The following SULT2B1 variants were observed in gnomAD, a reference collection of about 807,000 sequenced individuals.
SULT2B1 encodes sulfotransferase 2B1.
Under a neutral mutation model 33.2 loss-of-function variants are expected in SULT2B1, and 16 were observed. The observed-to-expected ratio is 0.48, with a 90% CI of 0.33 to 0.73. The LOEUF (loss-of-function observed/expected upper bound fraction) is 0.73, where lower values mean the gene tolerates loss of function less well. SULT2B1 is among the 30% of genes least tolerant of loss of function. The probability of loss-of-function intolerance (pLI) is 0.02; values close to 1 mark genes in which losing one functional copy is unlikely to be tolerated. For synonymous variants in SULT2B1, 186 were observed against 200.5 expected, an observed-to-expected ratio of 0.93 and a Z score of 0.61; for missense variants, 500 against 506.0, an observed-to-expected ratio of 0.99 and a Z score of 0.11.
chr19:48,594,804 A>G (rs2147629092), intron 5 of SULT2B1, among the ~76,000 whole-genome samples: 1 of 152,270 alleles, frequency 6.6e-6, no homozygotes, highest in South Asian at 2.1e-4. Flanking sequence ...AGATCACTTG[A>G]GGTCAGGAGT....
At chr19:48,594,066 C>T (rs1389849787) in intron 5 of SULT2B1, among the ~76,000 whole-genome samples, 1 of 151,684 alleles carries the variant, frequency 6.6e-6, no homozygotes, top group Non-Finnish European at 1.5e-5. Context: ...CCAGACCAGC[C>T]TTGCCAACAT....
At chr19:48,579,605 C>CTTTCTTTCTTTTTTTTTTTTTTTTTTT (rs71179013) in intron 2 of SULT2B1, among the ~76,000 whole-genome samples, 1 of 79,736 alleles carries the variant, frequency 1.3e-5, no homozygotes, top group South Asian at 5.2e-4. Context: ...TTCTTTCTTT[C>CTTTCTTTCTTTTTTTTTTTTTTTTTTT]TTTTTTTTTT....
At chr19:48,568,647 T>G (rs1973275520) in intron 1 of SULT2B1, among the ~76,000 whole-genome samples, 1 of 152,178 alleles carries the variant, frequency 6.6e-6, no homozygotes, top group African/African-American at 2.4e-5. Flanking sequence ...GGGACACTGC[T>G]TGGCGCGTCC....
At chr19:48,571,260 G>T (rs1973323717) in intron 1 of SULT2B1, among the ~76,000 whole-genome samples, 1 of 151,466 alleles carries the variant, frequency 6.6e-6, no homozygotes, top group Non-Finnish European at 1.5e-5. Flanking sequence ...GCAGTGATGT[G>T]ATCTCAGGAC....
At position 48,552,371 on chromosome 19, in the gene SULT2B1, G is replaced by A; in HGVS notation, c.71+48G>A. ...AGCCAGGAGATCCCAGGGAGGAGGT[G>A]GCTGTTTGGGGGAGCCGGGGACTGT... On this transcript the variant is annotated intron_variant, in intron 1 of 6. Transcript: ENST00000201586. The surrounding 1 kb of genome is among the most constrained non-coding windows in gnomAD (Gnocchi z 4.8). The A allele has an allele frequency of 6.3e-7, 1 of 1,598,980 alleles. No individual in the cohort carries two copies. Among genetic ancestry groups the A allele is most frequent in the Middle Eastern group, 1.7e-4 (1 of 5,968 alleles).
chr19:48,588,776 A>G (rs1420278638), intron 3 of SULT2B1, among the ~76,000 whole-genome samples: 1 of 151,722 alleles, frequency 6.6e-6, no homozygotes, highest in East Asian at 1.9e-4. Flanking sequence ...TGATGGTGGG[A>G]GCCACAGAGG....
chr19:48,578,304 G>C (rs891637282), intron 2 of SULT2B1, among the ~76,000 whole-genome samples: 1 of 151,790 alleles, frequency 6.6e-6, no homozygotes, highest in Non-Finnish European at 1.5e-5. Flanking sequence ...ATTTTCAGCC[G>C]AGCACAGTGG....
chr19:48,582,989 C>CAAAA (rs59742141), intron 2 of SULT2B1, among the ~76,000 whole-genome samples: 1,489 of 121,730 alleles, frequency 0.012, 30 homozygotes, highest in African/African-American at 0.042. Context: ...CCTATCTCTA[C>CAAAA]AAAAAAAAAA....
chr19:48,561,087 C>G lies in SULT2B1; in HGVS notation c.71+8764C>G, dbSNP rs139253101. On this transcript the variant is annotated intron_variant, in intron 1 of 6. Transcript: ENST00000201586. ...ACGGAGGTTGCTGTGGGGCTGAGAT[C>G]GCACCACTGCACTCCAGCCTGGGAG... 1.1e-4 allele frequency among the ~76,000 whole-genome samples: 17 copies of G among 151,810 alleles called. 2 individuals carry two copies. The South Asian group carries it at 2.9e-3, about 26-fold the overall frequency.
intron 5 of SULT2B1, among the ~76,000 whole-genome samples, chr19:48,593,530 C>T (rs143984325): frequency 5.9e-5 from 9 of 151,840 alleles, no homozygotes; most frequent in African/African-American, 9.7e-5. Flanking sequence ...CCAGCCTGGG[C>T]GACAGAGCAA....
At chr19:48,583,264 T>C (rs1973518290) in intron 2 of SULT2B1, among the ~76,000 whole-genome samples, 1 of 152,130 alleles carries the variant, frequency 6.6e-6, no homozygotes, top group Non-Finnish European at 1.5e-5. Flanking sequence ...ACAGCTGCTA[T>C]GGAAAACAGT....
chr19:48,577,382 T>TTTTTTTTG (rs1163610936), intron 2 of SULT2B1, among the ~76,000 whole-genome samples: 4 of 132,530 alleles, frequency 3.0e-5, no homozygotes, highest in Non-Finnish European at 4.7e-5. Context: ...TTTTTTTTTT[T>TTTTTTTTG]AGAGACAGAG....
chr19:48,587,709 TAGTC>T (rs1358039259), intron 3 of SULT2B1, among the ~76,000 whole-genome samples: 3 of 150,800 alleles, frequency 2.0e-5, no homozygotes, highest in Non-Finnish European at 4.4e-5. Flanking sequence ...TTGGGCAACA[TAGTC>T]AGACCACATC....
intron 3 of SULT2B1, among the ~76,000 whole-genome samples, chr19:48,589,094 C>CGA (rs1973607751): frequency 6.6e-6 from 1 of 152,104 alleles, no homozygotes; most frequent in Non-Finnish European, 1.5e-5. Context: ...GACCGACTGT[C>CGA]GAGAGAGCAG....
intron 1 of SULT2B1, among the ~76,000 whole-genome samples, chr19:48,571,211 A>ATTTAT (rs36014830): frequency 4.4e-4 from 63 of 144,340 alleles, no homozygotes; most frequent in African/African-American, 1.2e-3. Context: ...TTATTTATTT[A>ATTTAT]TTTTGAGATG....
chr19:48,578,163 C>T (rs901793064), intron 2 of SULT2B1, among the ~76,000 whole-genome samples: 1 of 151,924 alleles, frequency 6.6e-6, no homozygotes, highest in African/African-American at 2.4e-5. Context: ...CAGTGAGCTG[C>T]GATCACACCA....
At chr19:48,557,836 T>C (rs1973121045) in intron 1 of SULT2B1, among the ~76,000 whole-genome samples, 1 of 152,018 alleles carries the variant, frequency 6.6e-6, no homozygotes, top group Non-Finnish European at 1.5e-5. Flanking sequence ...GGAGAATCGC[T>C]TGAACCCAGG....
At chr19:48,553,565 G>A (rs960366090) in intron 1 of SULT2B1, among the ~76,000 whole-genome samples, 3 of 152,144 alleles carry the variant, frequency 2.0e-5, no homozygotes, top group East Asian at 3.9e-4. Flanking sequence ...CACCTGCCTC[G>A]GCCTCCCAAA....
In SULT2B1 at chr19:48,587,343, C is replaced by T. The variant is rs780615173; in HGVS notation, c.329C>T (p.Ala110Val). The T allele has an allele frequency of 6.2e-7, 1 of 1,614,016 alleles. No individual in the cohort carries two copies. The highest frequency in any genetic ancestry group is 2.2e-5 in the East Asian group (1 of 44,870). The change falls in exon 3 of 7, where the codon GCC (alanine) becomes GTC (valine). Residue 110 changes from alanine (A) to valine (V), a missense_variant. Transcript: ENST00000201586. Reference sequence around the variant, plus strand: ...CCCTGGTGTGAGACCATTGTGGGTGCCTTCAGCCTCCCGGACCAGTACAGC... The same window carrying T: ...CCCTGGTGTGAGACCATTGTGGGTGTCTTCAGCCTCCCGGACCAGTACAGC... The part of the protein sequence containing the change: ...RAPWCETIVG[A>V]FSLPDQYSPR...
Sources: allele counts gnomAD v4.1 joint callset (sites outside exome capture counted in the v4.1 genomes callset), GRCh38; gene constraint gnomAD v4.1.1; non-coding constraint Gnocchi (gnomAD v3.1); transcripts MANE v1.5; gene names NCBI Gene and HGNC (gene_info 2026-07-23, HGNC 2026-07-21).